C13orf42: variants seen among roughly 807,000 people sequenced by gnomAD.
C13orf42 encodes chromosome 13 open reading frame 42, also known as uncharacterized protein C13orf42.
chr13:51,111,395 T>A (rs1953432135), upstream of C13orf42, among the ~76,000 whole-genome samples: 1 of 152,156 alleles, frequency 6.6e-6, no homozygotes, highest in African/African-American at 2.4e-5. Context: ...CCATGGGGGA[T>A]GTTTACATCC....
At chr13:51,094,604 T>C (rs1368222921) in intron 1 of C13orf42, among the ~76,000 whole-genome samples, 1 of 152,060 alleles carries the variant, frequency 6.6e-6, no homozygotes, top group Non-Finnish European at 1.5e-5. Context: ...TCTAAGTTTC[T>C]ATCTGGTACC....
chr13:51,125,027 A>C (rs1033500840), intron 1 of C13orf42, among the ~76,000 whole-genome samples: 7 of 152,096 alleles, frequency 4.6e-5, no homozygotes, highest in African/African-American at 1.7e-4. Context: ...TGTAAGGTTT[A>C]CTAGTGTTTT....
chr13:51,126,173 C>T lies in C13orf42; in HGVS notation n.137-12951G>A, dbSNP rs114486211. Reference sequence around the variant, plus strand: ...TATTTTGTTTAACATGCATTGAGCACCTACCATATGCCAAAACTGGTGCCA... The same window carrying T: ...TATTTTGTTTAACATGCATTGAGCATCTACCATATGCCAAAACTGGTGCCA... On this transcript the variant is annotated intron_variant and non_coding_transcript_variant, in intron 1 of 4. Transcript: ENST00000433280. Among the ~76,000 whole-genome samples the T allele has an allele frequency of 4.6e-3, 705 of 152,286 alleles. 10 individuals carry two copies. The highest frequency in any genetic ancestry group is 0.016 in the African/African-American group (668 of 41,534).
At position 51,100,676 on chromosome 13, in the gene C13orf42, G is replaced by A. The variant is rs1378576532; in HGVS notation, c.414+10120C>T. On this transcript the variant is annotated intron_variant, in intron 1 of 3. Transcript: ENST00000563710. ...AAAATTAATGACAGTACTTGATGCT[G>A]ATAAAATGCAAATAGAAGAGCTTAT... 2.0e-5 allele frequency among the ~76,000 whole-genome samples: 3 copies of A among 152,112 alleles called. No individual in the cohort carries two copies. The South Asian group carries it at 6.2e-4, about 32-fold the overall frequency.
At chr13:51,105,968 G>A (rs1242351628) in intron 1 of C13orf42, among the ~76,000 whole-genome samples, 1 of 152,192 alleles carries the variant, frequency 6.6e-6, no homozygotes, top group Non-Finnish European at 1.5e-5. Flanking sequence ...AAAGTATCTT[G>A]TTGAAAAATG....
chr13:51,127,825 G>T (rs1355127683), intron 1 of C13orf42, among the ~76,000 whole-genome samples: 1 of 152,194 alleles, frequency 6.6e-6, no homozygotes, highest in African/African-American at 2.4e-5. Flanking sequence ...AGAGGTGTAT[G>T]AACCAGAGCA....
intron 1 of C13orf42, among the ~76,000 whole-genome samples, chr13:51,158,965 G>T (rs763726518): frequency 1.8e-4 from 27 of 152,304 alleles, no homozygotes; most frequent in Non-Finnish European, 3.4e-4. Context: ...ATAGGGATTG[G>T]GAAGCATTTA....
At chr13:51,111,494 T>C (rs182492087), upstream of C13orf42, among the ~76,000 whole-genome samples, 20 of 152,302 alleles carry the variant, frequency 1.3e-4, no homozygotes, top group Admixed American at 7.2e-4. Flanking sequence ...TTATGAAGCA[T>C]TGAGTGCAAA....
intron 1 of C13orf42, among the ~76,000 whole-genome samples, chr13:51,166,504 T>C (rs1953902943): frequency 7.0e-6 from 1 of 143,482 alleles, no homozygotes; most frequent in Non-Finnish European, 1.5e-5. Flanking sequence ...GATGACGAGT[T>C]AGTGGGTGCA....
rs1337590522 is a variant in C13orf42, at chr13:51,085,433, T to C, written c.689A>G (p.Glu230Gly). The change falls in exon 3 of 4, where the codon GAG (glutamate) becomes GGG (glycine). Residue 230 changes from glutamate (E) to glycine (G), a missense_variant. Physicochemically the swap from Glu to Gly is moderately conservative, Grantham distance 98. Transcript: ENST00000563710. ...CCTCTGAGTGCCCACGGTCCTGTGC[T>C]CGGTGCTCCTTCGAAACTGGCCGTC... The part of the protein sequence containing the change: ...TVDGQFRRST[E>G]HRTVGTQRRL... 1 of 398,610 alleles carries C rather than the reference T, an allele frequency of 2.5e-6. No individual in the cohort carries two copies. Among genetic ancestry groups the C allele is most frequent in the Non-Finnish European group, 4.4e-6 (1 of 226,054 alleles). 24.7% of individuals were successfully genotyped at this position (398,610 alleles called of 1,614,324 possible).
At chr13:51,116,546 C>CATAT (rs1289788190) in intron 1 of C13orf42, among the ~76,000 whole-genome samples, 1 of 152,224 alleles carries the variant, frequency 6.6e-6, no homozygotes, top group Non-Finnish European at 1.5e-5. Flanking sequence ...GTACAACCCA[C>CATAT]ACAACAGTAT....
chr13:51,097,218 A>G (rs1475495444), intron 1 of C13orf42, among the ~76,000 whole-genome samples: 1 of 152,214 alleles, frequency 6.6e-6, no homozygotes, highest in Non-Finnish European at 1.5e-5. Flanking sequence ...TAGTGCAGCA[A>G]TGAAAAGTCT....
At chr13:51,115,185 T>C (rs1380126084), upstream of C13orf42, among the ~76,000 whole-genome samples, 1 of 152,200 alleles carries the variant, frequency 6.6e-6, no homozygotes, top group African/African-American at 2.4e-5. Flanking sequence ...TGGAATCCAA[T>C]TATAATTCAA....
intron 3 of C13orf42, among the ~76,000 whole-genome samples, chr13:51,085,053 G>T (rs1203563449): frequency 6.6e-6 from 1 of 152,024 alleles, no homozygotes; most frequent in East Asian, 1.9e-4. Flanking sequence ...CACAGTGCAT[G>T]GGCTAAGTGG....
intron 1 of C13orf42, among the ~76,000 whole-genome samples, chr13:51,136,249 G>T (rs1451861341): frequency 6.6e-6 from 1 of 152,146 alleles, no homozygotes. Context: ...CCACCTGCAT[G>T]TTAGAGTTTT....
intron 1 of C13orf42, among the ~76,000 whole-genome samples, chr13:51,131,339 G>A (rs1352780233): frequency 6.6e-6 from 1 of 152,164 alleles, no homozygotes; most frequent in Non-Finnish European, 1.5e-5. Flanking sequence ...TTTTTACCAA[G>A]GCTTTGACTG....
intron 1 of C13orf42, among the ~76,000 whole-genome samples, chr13:51,105,777 T>C (rs1287620402): frequency 6.6e-6 from 1 of 152,222 alleles, no homozygotes; most frequent in Non-Finnish European, 1.5e-5. Context: ...CAATTCTGTA[T>C]GCTCTTGAAT....
intron 1 of C13orf42, among the ~76,000 whole-genome samples, chr13:51,119,980 T>C (rs887870011): frequency 2.4e-5 from 3 of 126,332 alleles, no homozygotes; most frequent in African/African-American, 1.2e-4. Context: ...ATTTTTCCTT[T>C]TAAAAAAAAA....
intron 1 of C13orf42, among the ~76,000 whole-genome samples, chr13:51,154,615 T>A (rs924807604): frequency 1.3e-5 from 2 of 152,124 alleles, no homozygotes; most frequent in African/African-American, 2.4e-5. Flanking sequence ...CCCTCAAGTG[T>A]CCCCACCAGT....
Sources: gnomAD v4.1 joint callset for allele counts (sites outside exome capture counted in the v4.1 genomes callset) on GRCh38, gnomAD v4.1.1 for gene constraint, MANE v1.5 for transcripts, NCBI Gene and HGNC (gene_info 2026-07-23, HGNC 2026-07-21) for gene names.